LCP1: variants seen among roughly 807,000 people sequenced by gnomAD.
LCP1 encodes plastin-2.
In LCP1, 23 loss-of-function variants were observed where a neutral mutation model predicts 72.0. That is an observed-to-expected ratio of 0.32 (90% confidence interval 0.23 to 0.45). The LOEUF is 0.45. LCP1 is among the 20% of genes least tolerant of loss of function. LCP1 has a pLI of 1.00. For synonymous variants in LCP1, 245 were observed against 275.4 expected, an observed-to-expected ratio of 0.89 and a Z score of 1.09; for missense variants, 571 against 748.3, an observed-to-expected ratio of 0.76 and a Z score of 2.76.
chr13:46,177,339 A>G (rs1302920088), intron 1 of LCP1, among the ~76,000 whole-genome samples: 1 of 152,212 alleles, frequency 6.6e-6, no homozygotes, highest in Non-Finnish European at 1.5e-5. Flanking sequence ...CCACTTGACT[A>G]AAATTATTCT....
intron 1 of LCP1, among the ~76,000 whole-genome samples, chr13:46,174,695 C>T (rs2138284656): frequency 6.6e-6 from 1 of 151,874 alleles, no homozygotes; most frequent in Non-Finnish European, 1.5e-5. Flanking sequence ...AATACAAAAA[C>T]ATTAGCTGAG....
intron 15 of LCP1, 84 bp from the exon 16 acceptor site, chr13:46,127,807 T>C (rs2045608508): frequency 1.3e-6 from 2 of 1,523,540 alleles, no homozygotes; most frequent in South Asian, 1.2e-5. Context: ...GTCACAGTCG[T>C]TCCATAGTCA....
intron 1 of LCP1, among the ~76,000 whole-genome samples, chr13:46,167,629 C>CT (rs1485255665): frequency 6.6e-6 from 1 of 152,246 alleles, no homozygotes; most frequent in African/African-American, 2.4e-5. Flanking sequence ...AAGATCCAGA[C>CT]TTTCCCCTAC....
intron 1 of LCP1, among the ~76,000 whole-genome samples, chr13:46,164,655 G>C (rs1329589254): frequency 6.6e-6 from 1 of 152,246 alleles, no homozygotes; most frequent in African/African-American, 2.4e-5. Flanking sequence ...ACATTGCTGT[G>C]ATACTGTTTG....
chr13:46,177,231 A>G (rs2045935657), intron 1 of LCP1, among the ~76,000 whole-genome samples: 1 of 152,260 alleles, frequency 6.6e-6, no homozygotes. Flanking sequence ...ATATTTGGCC[A>G]TTACTATACA....
At chr13:46,148,511 A>T in intron 8 of LCP1, 64 bp from the exon 9 acceptor site, 1 of 990,984 alleles carries the variant, frequency 1.0e-6, no homozygotes, top group Non-Finnish European at 1.5e-6. Flanking sequence ...TAGCATAACA[A>T]TGATTTCCCA....
intron 14 of LCP1, among the ~76,000 whole-genome samples, chr13:46,132,004 T>C (rs75579844): frequency 2.0e-4 from 1 of 5,080 alleles, no homozygotes; most frequent in East Asian, 0.02. Context: ...TCTGAATCTT[T>C]TTTTTTTTTT....
At chr13:46,155,002 A>G in intron 5 of LCP1, 116 bp from the exon 6 acceptor site, 1 of 763,564 alleles carries the variant, frequency 1.3e-6, no homozygotes, top group Non-Finnish European at 2.2e-6. Flanking sequence ...AGAATCTGTG[A>G]TGTTTAGATA....
At chr13:46,135,808 G>A (rs2045661639) in intron 13 of LCP1, among the ~76,000 whole-genome samples, 1 of 148,554 alleles carries the variant, frequency 6.7e-6, no homozygotes, top group African/African-American at 2.5e-5. Flanking sequence ...AGGCTGGAGT[G>A]CAGTGGATAT....
At chr13:46,174,770 C>T (rs1039896729) in intron 1 of LCP1, among the ~76,000 whole-genome samples, 6 of 145,902 alleles carry the variant, frequency 4.1e-5, no homozygotes, top group African/African-American at 1.0e-4. Flanking sequence ...CTCTTGAACC[C>T]AGTAGGCGGA....
chr13:46,133,417 G>A (rs2045645033), intron 14 of LCP1, among the ~76,000 whole-genome samples: 1 of 152,154 alleles, frequency 6.6e-6, no homozygotes, highest in Non-Finnish European at 1.5e-5. Flanking sequence ...CTGGAGGCCA[G>A]GAATTTAAGA....
In LCP1 at chr13:46,147,854, C is replaced by T. The variant is rs1232481243; in HGVS notation, c.978+498G>A. The stretch of plus-strand genomic sequence containing the variant: ...AAATTAGGATGATTTCTTAATATGA[C>T]CCTTTACTAGATAACGCTACACATT... On this transcript the variant is annotated intron_variant, in intron 9 of 15. Coordinates refer to ENST00000323076, the MANE Select transcript of LCP1 (RefSeq NM_002298.5). 4.6e-5 allele frequency among the ~76,000 whole-genome samples: 7 copies of T among 152,076 alleles called. 1 individual carries two copies. Among genetic ancestry groups the T allele is most frequent in the African/African-American group, 1.7e-4 (7 of 41,406 alleles).
Position 46,148,366 on chromosome 13 carries a change from T to C in LCP1, c.964A>G (p.Met322Val), listed in dbSNP as rs201932257. 5.6e-6 allele frequency: 9 copies of C among 1,613,062 alleles called. No homozygotes were observed. In the East Asian group the frequency reaches 2.0e-4, roughly 36 times the overall value. The change falls in exon 9 of 16, where the codon ATG becomes GTG. Residue 322 changes from methionine (M) to valine (V), a missense_variant. Transcript: ENST00000323076. The stretch of plus-strand genomic sequence containing the variant: ...CCTGGCCTTACCCGCAGTCCTGACA[T>C]GTCAATAACAACAGCAGGAACACCT... Reference protein sequence around the residue: ...EEGVPAVVIDMSGLREKDDIQ... With the variant: ...EEGVPAVVIDVSGLREKDDIQ...
intron 1 of LCP1, among the ~76,000 whole-genome samples, chr13:46,162,951 C>T (rs1157356235): frequency 6.6e-6 from 1 of 152,022 alleles, no homozygotes; most frequent in African/African-American, 2.4e-5. Flanking sequence ...CGCCTGGCAG[C>T]CACCCCGTCT....
At chr13:46,159,159 A>C in intron 2 of LCP1, 170 bp from the exon 3 acceptor site, 1 of 621,940 alleles carries the variant, frequency 1.6e-6, no homozygotes. Context: ...TTGCTACTGA[A>C]TAGGGGCACC....
At chr13:46,159,742 C>A (rs1019828933) in intron 1 of LCP1, 56 bp from the exon 2 acceptor site, 17 of 1,011,874 alleles carry the variant, frequency 1.7e-5, no homozygotes, top group Middle Eastern at 4.1e-4. Context: ...TCTTAAAATA[C>A]CACATTAAGA....
intron 1 of LCP1, among the ~76,000 whole-genome samples, chr13:46,178,072 A>C (rs1280778775): frequency 6.6e-6 from 1 of 152,142 alleles, no homozygotes; most frequent in Non-Finnish European, 1.5e-5. Flanking sequence ...GTTAAGACAA[A>C]ATTGATCCAA....
intron 1 of LCP1, among the ~76,000 whole-genome samples, chr13:46,172,665 CTT>C (rs2045910220): frequency 6.6e-6 from 1 of 152,152 alleles, no homozygotes; most frequent in Non-Finnish European, 1.5e-5. Context: ...CTCACTAGCT[CTT>C]GTTTCTAGAG....
intron 15 of LCP1, among the ~76,000 whole-genome samples, chr13:46,128,721 T>G (rs947280204): frequency 1.3e-5 from 2 of 152,264 alleles, no homozygotes; most frequent in Non-Finnish European, 2.9e-5. Flanking sequence ...GAGATTTATA[T>G]TCCATATTTT....
Sources: allele counts gnomAD v4.1 joint callset (sites outside exome capture counted in the v4.1 genomes callset), GRCh38; gene constraint gnomAD v4.1.1; transcripts MANE v1.5; gene names NCBI Gene and HGNC (gene_info 2026-07-23, HGNC 2026-07-21).